Variants in ADCY9 observed in about 807,000 individuals in gnomAD.
ADCY9 encodes the protein adenylate cyclase 9, also known as adenylate cyclase type 9.
A neutral mutation model predicts 101.5 loss-of-function variants in ADCY9; 50 were observed. The ratio of observed to expected loss-of-function variants is 0.49; its 90% confidence interval spans 0.39 to 0.62. The LOEUF is 0.62. Ranked by LOEUF, ADCY9 falls within the 20% of genes least tolerant of loss-of-function variation. ADCY9 has a pLI of 0.00. For missense variants in ADCY9, 1,662 were observed against 1,800.4 expected, an observed-to-expected ratio of 0.92 and a Z score of 1.39; for synonymous variants, 905 against 769.3, an observed-to-expected ratio of 1.18 and a Z score of -2.92.
chr16:3,989,159 G>T, intron 5 of ADCY9, 63 bp from the exon 6 acceptor site: 1 of 1,258,342 alleles, frequency 7.9e-7, no homozygotes, highest in African/African-American at 1.5e-5. Context: ...AATGTTTTCA[G>T]ATCATAATTA....
chr16:4,090,875 C>T (rs571160578), intron 2 of ADCY9, among the ~76,000 whole-genome samples: 1 of 151,742 alleles, frequency 6.6e-6, no homozygotes, highest in Non-Finnish European at 1.5e-5. Flanking sequence ...GCTCTTATAT[C>T]TACATTATAA....
intron 2 of ADCY9, among the ~76,000 whole-genome samples, chr16:4,103,932 G>A (rs1249162661): frequency 6.6e-6 from 1 of 152,208 alleles, no homozygotes; most frequent in Non-Finnish European, 1.5e-5. Flanking sequence ...AATAGTCTGA[G>A]TGATGAAATG....
chr16:4,114,654 G>A lies in ADCY9; in HGVS notation c.789C>T (p.Phe263=). 2 of 1,613,392 alleles carry A rather than the reference G, an allele frequency of 1.2e-6. No homozygotes were observed. The highest frequency in any genetic ancestry group is 1.7e-6 in the Non-Finnish European group (2 of 1,180,046). The change falls in exon 2 of 11, where the codon TTC becomes TTT. Residue 263 remains phenylalanine, a synonymous_variant. Coordinates refer to ENST00000294016, the MANE Select transcript of ADCY9 (RefSeq NM_001116.4). The surrounding 1 kb of genome is among the most constrained non-coding windows in gnomAD (Gnocchi z 4.3). ...GCGAGGGGAAGCAGGCTTCATCCCG[G>A]AAATGGTAGCCAAAGGTCTCGAAAA... ...SVLFETFGYH[F]RDEACFPSPG... is the part of the protein sequence containing the mutation.
At chr16:4,089,389 C>T (rs2056959636) in intron 2 of ADCY9, among the ~76,000 whole-genome samples, 2 of 152,076 alleles carry the variant, frequency 1.3e-5, no homozygotes, top group East Asian at 1.9e-4. Context: ...ATCAGAACTC[C>T]ATTCCTTTTT....
chr16:4,088,199 G>T (rs1049680244), intron 2 of ADCY9, among the ~76,000 whole-genome samples: 34 of 151,972 alleles, frequency 2.2e-4, no homozygotes, highest in African/African-American at 7.0e-4. Context: ...TAATACACTG[G>T]CACCTGCTTT....
intron 2 of ADCY9, among the ~76,000 whole-genome samples, chr16:4,017,824 C>A (rs2056448189): frequency 6.6e-6 from 1 of 152,144 alleles, no homozygotes. Flanking sequence ...CTCCAAGAAT[C>A]ATCCAATTTG....
intron 3 of ADCY9, among the ~76,000 whole-genome samples, chr16:3,998,749 G>GAAAGAAAGAAAAGA (rs1555507993): frequency 1.4e-4 from 13 of 89,752 alleles, no homozygotes; most frequent in Admixed American, 7.1e-4. Context: ...AAGAAAGAAA[G>GAAAGAAAGAAAAGA]AAAGAAAAGA....
intron 2 of ADCY9, among the ~76,000 whole-genome samples, chr16:4,012,688 T>C (rs1385610897): frequency 6.6e-6 from 1 of 152,170 alleles, no homozygotes; most frequent in Non-Finnish European, 1.5e-5. Context: ...TATGGCTGTG[T>C]GCGTGGAGGT....
In ADCY9 at chr16:4,115,679, T is replaced by C; in HGVS notation, c.-44+11A>G. ...CACCTTCGAGGCGCACGAGAACCGC[T>C]CGGGACGGACCTAGAACGCCCGGGG... is the stretch of plus-strand genomic sequence containing the variant. On this transcript the variant is annotated intron_variant, in intron 1 of 10. Transcript: ENST00000294016. This position sits in a 1 kb window ranked among gnomAD's most constrained non-coding sequence, Gnocchi z 6.2. The C allele has an allele frequency of 1.9e-6, 1 of 530,964 alleles. No homozygotes were observed. The highest frequency in any genetic ancestry group is 1.9e-5 in the African/African-American group (1 of 52,028). 32.9% of individuals were successfully genotyped at this position (530,964 alleles called of 1,614,324 possible). A position where few individuals can be genotyped will look rare whatever the true frequency, so the allele number is the denominator to read the frequency against.
intron 2 of ADCY9, among the ~76,000 whole-genome samples, chr16:4,015,406 C>G (rs913079479): frequency 3.3e-5 from 5 of 152,138 alleles, no homozygotes; most frequent in Admixed American, 3.3e-4. Context: ...CGAGCCTTCA[C>G]AAAGACTGTA....
downstream of ADCY9, among the ~76,000 whole-genome samples, chr16:3,960,304 G>A (rs1057277035): frequency 6.6e-6 from 1 of 152,114 alleles, no homozygotes; most frequent in African/African-American, 2.4e-5. Flanking sequence ...TGGATCACCT[G>A]AGGTCTGGAG....
At chr16:3,990,262 T>G (rs2056233422) in intron 5 of ADCY9, among the ~76,000 whole-genome samples, 1 of 152,008 alleles carries the variant, frequency 6.6e-6, no homozygotes, top group African/African-American at 2.4e-5. Flanking sequence ...GGTCAGGAGC[T>G]CGGGACCAGC....
At chr16:4,018,341 T>C (rs112058843) in intron 2 of ADCY9, among the ~76,000 whole-genome samples, 15,536 of 151,838 alleles carry the variant, frequency 0.1, 873 homozygotes, top group Non-Finnish European at 0.13. Flanking sequence ...GCCTCCTGAG[T>C]AGCTGGGATT....
At position 4,020,989 on chromosome 16, in the gene ADCY9, T is replaced by C. The variant is rs2056472746; in HGVS notation, c.1694-13431A>G. 2.6e-5 allele frequency among the ~76,000 whole-genome samples: 4 copies of C among 152,212 alleles called. 1 individual carries two copies. The highest frequency in any genetic ancestry group is 4.1e-4 in the South Asian group (2 of 4,838). On this transcript the variant is annotated intron_variant, in intron 2 of 10. Coordinates refer to ENST00000294016, the MANE Select transcript of ADCY9 (RefSeq NM_001116.4). ...TGGTTCACAACTCTAATTTAGAGCC[T>C]ATATAAACACATTAGCTTGACCTTG... is the stretch of plus-strand genomic sequence containing the variant.
intron 5 of ADCY9, among the ~76,000 whole-genome samples, chr16:3,989,635 C>T (rs1013951860): frequency 5.3e-5 from 8 of 152,234 alleles, no homozygotes; most frequent in African/African-American, 1.4e-4. Context: ...CCATCTCGGC[C>T]TCCCAAAGTG....
At chr16:4,049,788 A>G (rs971569748) in intron 2 of ADCY9, among the ~76,000 whole-genome samples, 3 of 152,174 alleles carry the variant, frequency 2.0e-5, no homozygotes, top group East Asian at 1.9e-4. Flanking sequence ...CTTATGTTGT[A>G]TATGTTTTTC....
intron 2 of ADCY9, among the ~76,000 whole-genome samples, chr16:4,010,867 C>T (rs1179454872): frequency 1.3e-5 from 2 of 152,160 alleles, no homozygotes; most frequent in Non-Finnish European, 2.9e-5. Context: ...GATCAGGCGC[C>T]TGCATAAAGG....
rs141873980 is a variant in ADCY9 at position 4,102,027 on chromosome 16, T to C, written c.1693+11723A>G. On this transcript the variant is annotated intron_variant, in intron 2 of 10. Transcript: ENST00000294016. ...GAGAAACTGACACAATCACAGTCCC[T>C]AGTGTGTTCTAGGTTTCGGTACTGA... is the stretch of plus-strand genomic sequence containing the variant. Among the ~76,000 whole-genome samples the C allele has an allele frequency of 8.5e-3, 1,297 of 152,318 alleles. 7 individuals carry two copies. Among genetic ancestry groups the C allele is most frequent in the Non-Finnish European group, 0.014 (925 of 68,022 alleles).
At chr16:4,039,385 T>A (rs2056611714) in intron 2 of ADCY9, among the ~76,000 whole-genome samples, 1 of 152,154 alleles carries the variant, frequency 6.6e-6, no homozygotes, top group East Asian at 1.9e-4. Flanking sequence ...ATGCTTTAAA[T>A]GCAGGATTGC....
Sources: allele counts gnomAD v4.1 joint callset (sites outside exome capture counted in the v4.1 genomes callset), GRCh38; gene constraint gnomAD v4.1.1; non-coding constraint Gnocchi (gnomAD v3.1); transcripts MANE v1.5; gene names NCBI Gene and HGNC (gene_info 2026-07-23, HGNC 2026-07-21).